The following NUBPL variants were observed in gnomAD, a reference collection of about 807,000 sequenced individuals.
The protein encoded by NUBPL is NUBP iron-sulfur cluster assembly factor, mitochondrial.
NUBPL carries 31 observed loss-of-function variants against 45.7 expected under a neutral mutation model. The ratio of observed to expected loss-of-function variants is 0.68; its 90% CI spans 0.51 to 0.92. The LOEUF (loss-of-function observed/expected upper bound fraction) is 0.92. Among genes scored for constraint, NUBPL ranks in the 40% least tolerant of loss-of-function variants. The pLI is 0.00. For synonymous variants in NUBPL, 144 were observed against 140.9 expected, an observed-to-expected ratio of 1.02 and a Z score of -0.15; for missense variants, 401 against 398.7, an observed-to-expected ratio of 1.01 and a Z score of -0.05.
chr14:31,676,443 A>G (rs765315935), intron 6 of NUBPL, among the ~76,000 whole-genome samples: 28 of 152,006 alleles, frequency 1.8e-4, no homozygotes, highest in Non-Finnish European at 1.0e-4. Context: ...CATTGTATGA[A>G]TATAATAAAA....
At chr14:31,845,058 C>G (rs541064228) in intron 8 of NUBPL, 1 of 152,258 alleles carries the variant, frequency 6.6e-6, no homozygotes, top group East Asian at 1.9e-4. Context: ...TTCATGCATA[C>G]TGAAGTCCCA....
rs1473422080 is a variant in NUBPL at position 31,601,380 on chromosome 14, C to T, written c.382+2001C>T. Among the ~76,000 whole-genome samples the T allele has an allele frequency of 3.9e-5, 6 of 152,180 alleles. No individual in the cohort carries two copies. The South Asian group carries it at 6.2e-4, about 16-fold the overall frequency. On this transcript the variant is annotated intron_variant, in intron 4 of 10. Transcript: ENST00000281081. ...ATTTTCATGATATTGATTCTTCCTA[C>T]CCATGAGCACGGAATGTTCTTCCAT...
intron 4 of NUBPL, among the ~76,000 whole-genome samples, chr14:31,618,338 G>T (rs1208216379): frequency 6.6e-6 from 1 of 152,022 alleles, no homozygotes; most frequent in Admixed American, 6.6e-5. Context: ...GTTTGCTCTT[G>T]CTTCTCTAGT....
chr14:31,640,018 C>T (rs2035636226), intron 4 of NUBPL, among the ~76,000 whole-genome samples: 1 of 152,192 alleles, frequency 6.6e-6, no homozygotes, highest in Non-Finnish European at 1.5e-5. Flanking sequence ...AAGGGAACTC[C>T]CTGACCCGTT....
chr14:31,724,135 C>T (rs1271643694), intron 6 of NUBPL, among the ~76,000 whole-genome samples: 1 of 152,132 alleles, frequency 6.6e-6, no homozygotes, highest in Non-Finnish European at 1.5e-5. Flanking sequence ...TTGTTTAATA[C>T]ATTTAATGCC....
chr14:31,787,504 T>C (rs1348456572), intron 6 of NUBPL, among the ~76,000 whole-genome samples: 1 of 152,158 alleles, frequency 6.6e-6, no homozygotes, highest in East Asian at 1.9e-4. Context: ...TGGTCCTGAA[T>C]AGAAGCCTAC....
At chr14:31,619,839 C>T (rs1275605259) in intron 4 of NUBPL, among the ~76,000 whole-genome samples, 2 of 151,964 alleles carry the variant, frequency 1.3e-5, no homozygotes, top group African/African-American at 2.4e-5. Context: ...CTGCCTTGCT[C>T]GGTTGGGGGA....
At chr14:31,627,543 C>T (rs898039155) in intron 4 of NUBPL, among the ~76,000 whole-genome samples, 1 of 151,914 alleles carries the variant, frequency 6.6e-6, no homozygotes, top group African/African-American at 2.4e-5. Context: ...CTTTAGGAGG[C>T]CGAGGCGGGC....
intron 7 of NUBPL, among the ~76,000 whole-genome samples, chr14:31,819,391 G>C (rs906222332): frequency 3.3e-5 from 5 of 152,102 alleles, no homozygotes; most frequent in Non-Finnish European, 4.4e-5. Flanking sequence ...TAATTGTAAG[G>C]TATGGAATTA....
At chr14:31,839,897 C>T (rs756334581) in intron 8 of NUBPL, among the ~76,000 whole-genome samples, 9 of 151,814 alleles carry the variant, frequency 5.9e-5, no homozygotes, top group Non-Finnish European at 8.8e-5. Context: ...TGAGATATCC[C>T]CTCATACCTG....
rs757990684 is a variant in NUBPL at position 31,561,418 on chromosome 14, G to T, written c.-22G>T. 1 of 1,341,018 alleles carries T rather than the reference G, an allele frequency of 7.5e-7. No individual in the cohort carries two copies. The highest frequency in any genetic ancestry group is 9.7e-7 in the Non-Finnish European group (1 of 1,028,620). 83.1% of individuals were successfully genotyped at this position (1,341,018 alleles called of 1,614,324 possible). On this transcript the variant is annotated 5_prime_UTR_variant, in exon 1 of 11. Coordinates refer to ENST00000281081, the MANE Select transcript of NUBPL (RefSeq NM_025152.3). Reference sequence around the variant, plus strand: ...CCACCCGCGACAGTTTCCCAGCAGGGCTCACAGCAGCGTTCCGCGTCATGG... The same window carrying T: ...CCACCCGCGACAGTTTCCCAGCAGGTCTCACAGCAGCGTTCCGCGTCATGG...
intron 6 of NUBPL, among the ~76,000 whole-genome samples, chr14:31,781,544 G>A (rs932519883): frequency 6.6e-6 from 1 of 152,156 alleles, no homozygotes; most frequent in African/African-American, 2.4e-5. Context: ...TCAGAGAATG[G>A]CTATTAAAGA....
chr14:31,669,617 A>C (rs527709288), intron 4 of NUBPL, among the ~76,000 whole-genome samples: 7 of 151,712 alleles, frequency 4.6e-5, no homozygotes, highest in Non-Finnish European at 8.8e-5. Flanking sequence ...TCCTCCTCCG[A>C]TTTTCCCGTC....
intron 6 of NUBPL, among the ~76,000 whole-genome samples, chr14:31,711,325 C>T (rs2037565897): frequency 1.3e-5 from 2 of 152,142 alleles, no homozygotes; most frequent in Non-Finnish European, 2.9e-5. Flanking sequence ...AGCCTGACAC[C>T]CGTGTCTTTA....
At chr14:31,824,108 T>A (rs2040060804) in intron 7 of NUBPL, among the ~76,000 whole-genome samples, 1 of 152,172 alleles carries the variant, frequency 6.6e-6, no homozygotes, top group African/African-American at 2.4e-5. Context: ...ATATTAACAG[T>A]GACAGCTATC....
chr14:31,618,478 T>A (rs1330328504), intron 4 of NUBPL, among the ~76,000 whole-genome samples: 3 of 152,216 alleles, frequency 2.0e-5, no homozygotes, highest in Non-Finnish European at 4.4e-5. Flanking sequence ...TGTTGTCTCT[T>A]TGTTCTCATT....
At chr14:31,653,893 G>A (rs539393720) in intron 4 of NUBPL, among the ~76,000 whole-genome samples, 1 of 152,330 alleles carries the variant, frequency 6.6e-6, no homozygotes, top group East Asian at 1.9e-4. Flanking sequence ...CACAATTTGT[G>A]TTCCTCTGCT....
At chr14:31,630,292 C>T (rs765798183) in intron 4 of NUBPL, among the ~76,000 whole-genome samples, 1 of 152,150 alleles carries the variant, frequency 6.6e-6, no homozygotes, top group African/African-American at 2.4e-5. Context: ...GACTTAAACT[C>T]TCAAAGCCTT....
intron 4 of NUBPL, among the ~76,000 whole-genome samples, chr14:31,630,970 C>G (rs1199986396): frequency 1.3e-5 from 2 of 152,088 alleles, no homozygotes; most frequent in Non-Finnish European, 2.9e-5. Flanking sequence ...CCCCAGTATT[C>G]TGCTCCATAA....
Sources: allele counts gnomAD v4.1 joint callset (sites outside exome capture counted in the v4.1 genomes callset), GRCh38; gene constraint gnomAD v4.1.1; transcripts MANE v1.5; gene names NCBI Gene and HGNC (gene_info 2026-07-23, HGNC 2026-07-21).